Variants in EXOSC5 observed in about 807,000 individuals in gnomAD.
EXOSC5 encodes the protein exosome complex component RRP46.
Under a neutral mutation model 23.7 loss-of-function variants are expected in EXOSC5, and 15 were observed. That is an observed-to-expected ratio of 0.63 (90% CI 0.42 to 0.97). EXOSC5 has a LOEUF of 0.97. Among genes scored for constraint, EXOSC5 ranks in the 50% least tolerant of loss-of-function variants. EXOSC5 has a pLI of 0.00. For synonymous variants in EXOSC5, 143 were observed against 140.9 expected (o/e 1.02, Z -0.11); for missense variants, 305 against 316.3 (o/e 0.96, Z 0.27).
At chr19:41,386,861 T>A in intron 5 of EXOSC5, 136 bp from the exon 6 acceptor site, 1 of 649,502 alleles carries the variant, frequency 1.5e-6, no homozygotes. Flanking sequence ...GTGAGGCAAG[T>A]GGTAAGGGAT....
At chr19:41,393,702 G>A (rs1392177222) in intron 1 of EXOSC5, among the ~76,000 whole-genome samples, 2 of 152,064 alleles carry the variant, frequency 1.3e-5, no homozygotes, top group Non-Finnish European at 2.9e-5. Context: ...TGGGATTACA[G>A]GCGCGCGCCA....
At chr19:41,390,481 T>G (rs536433273) in intron 3 of EXOSC5, among the ~76,000 whole-genome samples, 4 of 152,114 alleles carry the variant, frequency 2.6e-5, no homozygotes, top group Non-Finnish European at 5.9e-5. Context: ...ATAATAATAT[T>G]CAATAGGTAT....
chr19:41,394,679 G>A (rs953258657), intron 1 of EXOSC5, among the ~76,000 whole-genome samples: 66 of 152,016 alleles, frequency 4.3e-4, no homozygotes, highest in Admixed American at 4.1e-3. Context: ...TACCACATCC[G>A]ACTAATTTTT....
intron 5 of EXOSC5, 68 bp from the exon 6 acceptor site, chr19:41,386,793 G>C (rs2038988226): frequency 1.4e-6 from 2 of 1,452,912 alleles, no homozygotes; most frequent in Non-Finnish European, 1.9e-6. Flanking sequence ...GGCTGACCCA[G>C]GAGGTTCTGC....
At chr19:41,395,914 T>C (rs2039058615) in intron 1 of EXOSC5, among the ~76,000 whole-genome samples, 1 of 152,178 alleles carries the variant, frequency 6.6e-6, no homozygotes, top group African/African-American at 2.4e-5. Flanking sequence ...GGCAGAAACC[T>C]TAGTTATGCC....
intron 4 of EXOSC5, among the ~76,000 whole-genome samples, 164 bp from the exon 5 acceptor site, chr19:41,387,767 G>C (rs543793363): frequency 2.0e-5 from 3 of 149,640 alleles, no homozygotes; most frequent in Non-Finnish European, 4.4e-5. Flanking sequence ...GACCAATCTG[G>C]GCAACAGAGG....
Position 41,389,775 on chromosome 19 carries a change from TTGGA to T in EXOSC5, c.511_514del (p.Gln173LysfsTer8), listed in dbSNP as rs776613866. On this transcript the variant is annotated frameshift_variant, in exon 4 of 6. Coordinates refer to ENST00000221233, the MANE Select transcript of EXOSC5 (RefSeq NM_020158.4). LOFTEE classifies it high-confidence loss of function. ...GGTCTTCACACCTACCTTTTCTTGCTTGGATGTAGGATCCAGCACGAGGGTCCCA... is the reference window on the plus strand; with the variant it reads ...GGTCTTCACACCTACCTTTTCTTGCTTGTAGGATCCAGCACGAGGGTCCCA... The T allele has an allele frequency of 6.2e-7, 1 of 1,613,280 alleles. No homozygotes were observed. Among genetic ancestry groups the T allele is most frequent in the Non-Finnish European group, 8.5e-7 (1 of 1,179,688 alleles).
At chr19:41,391,759 C>T in intron 3 of EXOSC5, 82 bp downstream of exon 3, 1 of 1,438,522 alleles carries the variant, frequency 7.0e-7, no homozygotes, top group Non-Finnish European at 9.1e-7. Flanking sequence ...GGCTTTCTGG[C>T]TAGCAGTGAG....
intron 1 of EXOSC5, among the ~76,000 whole-genome samples, chr19:41,396,841 T>TGG (rs1204966949): frequency 3.1e-5 from 3 of 97,060 alleles, no homozygotes; most frequent in Non-Finnish European, 4.1e-5. Context: ...GGTGTGTGTG[T>TGG]GGGGGGTGGG....
chr19:41,391,964 TG>T lies in EXOSC5; in HGVS notation c.263-3del, dbSNP rs2123223727. 1.3e-6 allele frequency: 2 copies of T among 1,583,724 alleles called. No homozygotes were observed. The highest frequency in any genetic ancestry group is 2.3e-5 in the South Asian group (2 of 86,698). The stretch of plus-strand genomic sequence containing the variant: ...GCTCCCGGCTCTTCTCTGCAACACC[TG>T]GGGAAATTGAAGAGAGGTTCAGGGT... On this transcript the variant is annotated splice_region_variant and splice_polypyrimidine_tract_variant and intron_variant, in intron 2 of 5. Coordinates refer to ENST00000221233, the MANE Select transcript of EXOSC5 (RefSeq NM_020158.4).
At chr19:41,388,201 T>C (rs1486947243) in intron 4 of EXOSC5, among the ~76,000 whole-genome samples, 2 of 152,246 alleles carry the variant, frequency 1.3e-5, no homozygotes, top group Non-Finnish European at 2.9e-5. Flanking sequence ...CCAAGCTCAG[T>C]ATTCCTGCCC....
chr19:41,389,803 C>T lies in EXOSC5; in HGVS notation c.487G>A (p.Gly163Arg). ...GATGTAGGATCCAGCACGAGGGTCCCATCAGAGTCCAGGGCGCAGGCGACC... is the reference window on the plus strand; with the variant it reads ...GATGTAGGATCCAGCACGAGGGTCCTATCAGAGTCCAGGGCGCAGGCGACC... ...CGVACALDSD[G>R]TLVLDPTSKQ... Residue 163 changes from glycine to arginine, a missense_variant, in exon 4 of 6, where the codon GGG becomes AGG. By Grantham distance (125) the Gly-to-Arg change is moderately radical. Coordinates refer to ENST00000221233, the MANE Select transcript of EXOSC5 (RefSeq NM_020158.4). 1 of 1,614,136 alleles carries T rather than the reference C, an allele frequency of 6.2e-7. No individual in the cohort carries two copies. Among genetic ancestry groups the T allele is most frequent in the Non-Finnish European group, 8.5e-7 (1 of 1,180,012 alleles).
At chr19:41,396,213 A>AT (rs555938662) in intron 1 of EXOSC5, among the ~76,000 whole-genome samples, 2,350 of 145,226 alleles carry the variant, frequency 0.016, 19 homozygotes, top group African/African-American at 0.031. Context: ...CGCTGTCTCA[A>AT]TTTTTTTTTT....
intron 5 of EXOSC5, among the ~76,000 whole-genome samples, chr19:41,386,965 A>G (rs2038989416): frequency 6.6e-6 from 1 of 152,226 alleles, no homozygotes; most frequent in South Asian, 2.1e-4. Flanking sequence ...AACAGGACTC[A>G]GACCTATCAG....
Position 41,392,857 on chromosome 19 carries a change from G to A in EXOSC5, c.262+10C>T, listed in dbSNP as rs373168489. 6.2e-7 allele frequency: 1 copy of A among 1,613,030 alleles called. No individual in the cohort carries two copies. Among genetic ancestry groups the A allele is most frequent in the African/African-American group, 1.3e-5 (1 of 75,012 alleles). ...GGGCACCACTCAGAGGTTCAGCAGG[G>A]CCCAATTACCAGGCAGCCCAATCTT... On this transcript the variant is annotated intron_variant, in intron 2 of 5. Coordinates refer to ENST00000221233, the MANE Select transcript of EXOSC5 (RefSeq NM_020158.4).
chr19:41,392,982 T>G lies in EXOSC5; in HGVS notation c.149-2A>C. 1 of 1,612,578 alleles carries G rather than the reference T, an allele frequency of 6.2e-7. No homozygotes were observed. Among genetic ancestry groups the G allele is most frequent in the South Asian group, 1.1e-5 (1 of 91,006 alleles). On this transcript the variant is annotated splice_acceptor_variant, in intron 1 of 5. Transcript: ENST00000221233. LOFTEE classifies it high-confidence loss of function. ...CACCCGCCAGGACAGAGGTGTCACCTGAGGAGACAGCAGGGAGGGCCTCAC... is the reference window on the plus strand; with the variant it reads ...CACCCGCCAGGACAGAGGTGTCACCGGAGGAGACAGCAGGGAGGGCCTCAC...
chr19:41,389,509 C>T (rs1184733621), intron 4 of EXOSC5, among the ~76,000 whole-genome samples: 2 of 152,226 alleles, frequency 1.3e-5, no homozygotes, highest in African/African-American at 4.8e-5. Flanking sequence ...AGGTGATCCA[C>T]CCACCTCAGC....
At chr19:41,388,506 A>T (rs1274716392) in intron 4 of EXOSC5, among the ~76,000 whole-genome samples, 1 of 152,180 alleles carries the variant, frequency 6.6e-6, no homozygotes, top group Non-Finnish European at 1.5e-5. Context: ...ATCCAGAACC[A>T]ATTGAGATGA....
At chr19:41,392,798 T>TA in intron 2 of EXOSC5, 69 bp downstream of exon 2, 1 of 1,418,284 alleles carries the variant, frequency 7.1e-7, no homozygotes, top group Non-Finnish European at 9.9e-7. Flanking sequence ...GGGCAGCTGG[T>TA]AGGGAGGAGC....
Sources: gnomAD v4.1 joint callset for allele counts (sites outside exome capture counted in the v4.1 genomes callset) on GRCh38, gnomAD v4.1.1 for gene constraint, MANE v1.5 for transcripts, NCBI Gene and HGNC (gene_info 2026-07-23, HGNC 2026-07-21) for gene names.